The following DOCK1 variants were observed in gnomAD, a reference collection of about 807,000 sequenced individuals.
The protein encoded by DOCK1 is dedicator of cytokinesis protein 1.
In DOCK1, 138 loss-of-function variants were observed where a neutral mutation model predicts 262.7. The observed-to-expected ratio is 0.53, with a 90% CI of 0.46 to 0.61. The LOEUF (loss-of-function observed/expected upper bound fraction) is 0.61, where lower values mean the gene tolerates loss of function less well. Among genes scored for constraint, DOCK1 ranks in the 20% least tolerant of loss-of-function variants. The probability of loss-of-function intolerance (pLI) is 0.00; values close to 1 mark genes in which losing one functional copy is unlikely to be tolerated. For synonymous variants in DOCK1, 866 were observed against 867.4 expected (o/e 1.00, Z 0.03); for missense variants, 1,908 against 2,370.7 (o/e 0.80, Z 4.05).
Position 127,404,326 on chromosome 10 carries a change from A to T in DOCK1, c.4019A>T (p.Lys1340Ile). ...FDYEQLSELL[K>I]KQAQFYENIV... ...ATGCATTTTCTTTTTTCCTTCCAGA[A>T]AAAACAGGCTCAGTTTTATGAAAAC... Residue 1340 changes from lysine (K) to isoleucine (I), a missense_variant and splice_region_variant, in exon 40 of 52, where the codon AAA becomes ATA. Coordinates refer to ENST00000623213, the MANE Select transcript of DOCK1 (RefSeq NM_001290223.2). 13 of 1,613,080 alleles carry T rather than the reference A, an allele frequency of 8.1e-6. No homozygotes were observed. The highest frequency in any genetic ancestry group is 1.1e-5 in the Non-Finnish European group (13 of 1,179,506).
chr10:126,921,767 C>T (rs2033224986), intron 1 of DOCK1, among the ~76,000 whole-genome samples: 1 of 152,152 alleles, frequency 6.6e-6, no homozygotes, highest in Admixed American at 6.5e-5. Context: ...ATTCTCCTGC[C>T]TCAGCCTCCC....
intron 28 of DOCK1, among the ~76,000 whole-genome samples, chr10:127,255,510 G>A (rs1040543682): frequency 6.6e-6 from 1 of 152,162 alleles, no homozygotes; most frequent in Admixed American, 6.5e-5. Flanking sequence ...GGAACAGTCC[G>A]GTAAGCCTCA....
In DOCK1 at chr10:127,446,263, A is replaced by AG. The variant is rs1310356736; in HGVS notation, c.5414-1130dup. 7.7e-6 allele frequency among the ~76,000 whole-genome samples: 1 copy of AG among 129,650 alleles called. No individual in the cohort carries two copies. The highest frequency in any genetic ancestry group is 1.8e-5 in the Non-Finnish European group (1 of 57,070). 85.1% of individuals were successfully genotyped at this position (129,650 alleles called of 152,430 possible). A position where few individuals can be genotyped will look rare whatever the true frequency, so the allele number is the denominator to read the frequency against. ...AGACTCCATCCCAAACAAAAAGAAA[A>AG]GAAAAAAAAAAAGAAAGTAGAATAG... On this transcript the variant is annotated intron_variant, in intron 50 of 51. Transcript: ENST00000623213. The surrounding 1 kb of genome is among the most constrained non-coding windows in gnomAD (Gnocchi z 4.4).
In DOCK1 at chr10:126,940,696, G is replaced by A. The variant is rs992678855; in HGVS notation, c.47-30006G>A. Among the ~76,000 whole-genome samples, 9 of 152,340 alleles carry A rather than the reference G, an allele frequency of 5.9e-5. No homozygotes were observed. The East Asian group carries it at 1.5e-3, about 26-fold the overall frequency. On this transcript the variant is annotated intron_variant, in intron 1 of 51. Coordinates refer to ENST00000623213, the MANE Select transcript of DOCK1 (RefSeq NM_001290223.2). Reference sequence around the variant, plus strand: ...TGGGATTATAGGCGTGAGCCACTGCGCCTGGCCCAAAGTACCTATTTTAGT... The same window carrying A: ...TGGGATTATAGGCGTGAGCCACTGCACCTGGCCCAAAGTACCTATTTTAGT...
intron 1 of DOCK1, among the ~76,000 whole-genome samples, chr10:126,969,874 C>A (rs1468152315): frequency 6.6e-6 from 1 of 152,178 alleles, no homozygotes; most frequent in Admixed American, 6.5e-5. Context: ...ATAGCCTCGC[C>A]TGGCTGGGCT....
At chr10:126,999,548 A>AT (rs2040436963) in intron 9 of DOCK1, 113 bp downstream of exon 9, 1 of 786,988 alleles carries the variant, frequency 1.3e-6, no homozygotes, top group Non-Finnish European at 2.1e-6. Flanking sequence ...GGATGCCTGT[A>AT]TACAGGTTAA....
chr10:127,042,624 G>C lies in DOCK1; in HGVS notation c.2011-1G>C. ...TCACCCGACCTTCTGTGTCTATGCA[G>C]TTTCTTCAGGACACGTTGGATGCCC... On this transcript the variant is annotated splice_acceptor_variant, in intron 19 of 51. Transcript: ENST00000623213. LOFTEE classifies it high-confidence loss of function. 1 of 1,614,094 alleles carries C rather than the reference G, an allele frequency of 6.2e-7. No homozygotes were observed. Among genetic ancestry groups the C allele is most frequent in the Non-Finnish European group, 8.5e-7 (1 of 1,179,954 alleles).
Position 126,999,379 on chromosome 10 carries a change from A to G in DOCK1, c.793A>G (p.Ser265Gly), listed in dbSNP as rs778059635. 6.2e-7 allele frequency: 1 copy of G among 1,613,580 alleles called. No homozygotes were observed. Among genetic ancestry groups the G allele is most frequent in the Admixed American group, 1.7e-5 (1 of 59,952 alleles). Residue 265 changes from serine to glycine, a missense_variant, in exon 9 of 52, where the codon AGT (serine) becomes GGT (glycine). By Grantham distance (56) the Ser-to-Gly change is moderately conservative. This residue lies in a region of DOCK1 where 102 missense variants were observed against 154.9 expected (regional missense o/e 0.66). Transcript: ENST00000623213. ...ISENYLVRWS[S>G]SGLPKDIDRL... ...TGAGAACTACCTGGTTCGCTGGTCC[A>G]GTTCAGGATTACCTAAAGACATAGA...
chr10:127,273,015 G>A (rs1183460792), intron 29 of DOCK1, among the ~76,000 whole-genome samples: 1 of 152,104 alleles, frequency 6.6e-6, no homozygotes. Flanking sequence ...CCCACAACAC[G>A]TGGGAATTCA....
rs139759541 is a variant in DOCK1 at position 126,974,971 on chromosome 10, G to A, written c.131-2977G>A. On this transcript the variant is annotated intron_variant, in intron 2 of 51. Transcript: ENST00000623213. The stretch of plus-strand genomic sequence containing the variant: ...ATTAAATAAAGACACAAAACTCCTT[G>A]CCTTTCATGCCTACTGCTTGGCCCT... Among the ~76,000 whole-genome samples, 678 of 152,130 alleles carry A rather than the reference G, an allele frequency of 4.5e-3. 3 individuals are homozygous for A. The highest frequency in any genetic ancestry group is 0.016 in the African/African-American group (646 of 41,512).
intron 31 of DOCK1, among the ~76,000 whole-genome samples, chr10:127,347,130 A>G (rs2063668123): frequency 6.6e-6 from 1 of 152,366 alleles, no homozygotes; most frequent in Non-Finnish European, 1.5e-5. Flanking sequence ...TGCATAAGAA[A>G]TACATGACGA....
At position 127,359,724 on chromosome 10, in the gene DOCK1, A is replaced by G. The variant is rs73384688; in HGVS notation, c.3284-2340A>G. 7.2e-3 allele frequency among the ~76,000 whole-genome samples: 1,101 copies of G among 152,374 alleles called. 12 individuals are homozygous for G. The highest frequency in any genetic ancestry group is 0.025 in the African/African-American group (1,052 of 41,584). The stretch of plus-strand genomic sequence containing the variant: ...TACATTTTGTGTGTATGTCCACCCA[A>G]TAAAAAGTAATTCAGTCTAATTATG... On this transcript the variant is annotated intron_variant, in intron 32 of 51. Coordinates refer to ENST00000623213, the MANE Select transcript of DOCK1 (RefSeq NM_001290223.2).
At chr10:126,959,118 A>G (rs2036985804) in intron 1 of DOCK1, among the ~76,000 whole-genome samples, 1 of 152,244 alleles carries the variant, frequency 6.6e-6, no homozygotes, top group Non-Finnish European at 1.5e-5. Context: ...TGGGATAGAT[A>G]GAAAGGGAAA....
At chr10:126,955,947 A>G (rs2036702081) in intron 1 of DOCK1, among the ~76,000 whole-genome samples, 1 of 152,110 alleles carries the variant, frequency 6.6e-6, no homozygotes, top group African/African-American at 2.4e-5. Flanking sequence ...TTTGGGTGAG[A>G]CCTGTCCATA....
chr10:127,343,523 G>A (rs2063513080), intron 30 of DOCK1, 123 bp from the exon 31 acceptor site: 3 of 808,712 alleles, frequency 3.7e-6, no homozygotes. Context: ...TAGAGTGAGT[G>A]TGGGTTTTTT....
intron 27 of DOCK1, 64 bp from the exon 28 acceptor site, chr10:127,247,944 A>AT: frequency 6.6e-7 from 1 of 1,513,276 alleles, no homozygotes; most frequent in Non-Finnish European, 9.1e-7. Flanking sequence ...ATCTGGGATG[A>AT]TTTCGGCTTT....
At chr10:127,197,248 C>A (rs1014310769) in intron 27 of DOCK1, among the ~76,000 whole-genome samples, 12 of 152,130 alleles carry the variant, frequency 7.9e-5, no homozygotes, top group Non-Finnish European at 1.2e-4. Context: ...ACCCTACCCC[C>A]CATCCAGAGC....
In DOCK1 at chr10:127,030,845, TCACA is replaced by T. The variant is rs144105568; in HGVS notation, c.1625-796_1625-793del. Among the ~76,000 whole-genome samples, 1,494 of 151,640 alleles carry T rather than the reference TCACA, an allele frequency of 9.9e-3. 15 individuals carry two copies. Among genetic ancestry groups the T allele is most frequent in the African/African-American group, 0.027 (1,103 of 41,376 alleles). ...CTCTATCTCTATCTCTGTCTCTCTG[TCACA>T]CACACACATAAACACAACATCTGGT... On this transcript the variant is annotated intron_variant, in intron 16 of 51. Coordinates refer to ENST00000623213, the MANE Select transcript of DOCK1 (RefSeq NM_001290223.2).
intron 19 of DOCK1, 32 bp downstream of exon 19, chr10:127,037,848 CTTT>C (rs56038046): frequency 0.047 from 47,656 of 1,020,564 alleles, 2 homozygotes; most frequent in Middle Eastern, 0.059. Context: ...CTTTTTGGGT[CTTT>C]TTTTTTTTTT....
Sources: gnomAD v4.1 joint callset for allele counts (sites outside exome capture counted in the v4.1 genomes callset) on GRCh38, gnomAD v4.1.1 for gene constraint, gnomAD v4.1.1 regional missense constraint, Gnocchi (gnomAD v3.1) non-coding constraint, MANE v1.5 for transcripts, NCBI Gene and HGNC (gene_info 2026-07-23, HGNC 2026-07-21) for gene names.